The following PCDHA4 variants were observed in gnomAD, a reference collection of about 807,000 sequenced individuals.
The protein encoded by PCDHA4 is protocadherin alpha-4.
In PCDHA4, 49 loss-of-function variants were observed where a neutral mutation model predicts 61.4. The observed-to-expected ratio is 0.80, with a 90% CI of 0.63 to 1.01. The LOEUF is 1.01. PCDHA4 is among the 50% of genes least tolerant of loss of function. The probability of loss-of-function intolerance (pLI) is 0.00; values close to 1 mark genes in which losing one functional copy is unlikely to be tolerated. For missense variants in PCDHA4, 1,254 were observed against 1,235.8 expected (o/e 1.01, Z -0.22); for synonymous variants, 590 against 550.3 (o/e 1.07, Z -1.01).
rs2126645521 is a variant in PCDHA4, at chr5:140,813,313, C to T, written c.2385+3741C>T. ...TTCTGAGATTTCATCACTGTGCAAA[C>T]ATGAGAGTGTACTTACATATTTACA... On this transcript the variant is annotated intron_variant, in intron 1 of 3. Coordinates refer to ENST00000530339, the MANE Select transcript of PCDHA4 (RefSeq NM_018907.4). The T allele has an allele frequency of 1.1e-4, 17 of 152,282 alleles. 1 individual carries two copies. The South Asian group carries it at 3.5e-3, about 32-fold the overall frequency. The allele number at this position is 152,282 out of a possible 1,614,324, so 9.4% of individuals were successfully genotyped here.
chr5:140,966,514 A>G (rs2096013065), intron 1 of PCDHA4: 1 of 434,820 alleles, frequency 2.3e-6, no homozygotes, highest in Non-Finnish European at 4.0e-6. Flanking sequence ...CAGCAGCAGC[A>G]GGAAGCCGAG....
intron 3 of PCDHA4, among the ~76,000 whole-genome samples, chr5:140,997,279 A>G (rs1386656925): frequency 6.6e-6 from 1 of 152,166 alleles, no homozygotes; most frequent in Non-Finnish European, 1.5e-5. Flanking sequence ...TTCTTGCATC[A>G]CTTAACAATG....
intron 1 of PCDHA4, among the ~76,000 whole-genome samples, chr5:140,954,127 T>A (rs530320994): frequency 2.6e-5 from 4 of 152,372 alleles, no homozygotes; most frequent in Non-Finnish European, 5.9e-5. Context: ...TTCCTTTTTA[T>A]GGATGCATAG....
intron 1 of PCDHA4, chr5:140,835,513 G>C: frequency 3.1e-6 from 5 of 1,613,936 alleles, no homozygotes; most frequent in Non-Finnish European, 4.2e-6. Context: ...GTGTTTGACC[G>C]AGATTTTGGA....
chr5:140,821,986 G>C (rs2150112633), intron 1 of PCDHA4: 11 of 1,614,150 alleles, frequency 6.8e-6, no homozygotes, highest in South Asian at 3.3e-5. Context: ...CAAGGGCCGC[G>C]GGGACCTTCT....
intron 1 of PCDHA4, among the ~76,000 whole-genome samples, chr5:140,916,135 T>TG (rs1178819787): frequency 6.6e-6 from 1 of 152,126 alleles, no homozygotes; most frequent in Non-Finnish European, 1.5e-5. Flanking sequence ...GCTTAAGGGC[T>TG]GTTCAGTTGT....
rs782469778 is a variant in PCDHA4 at position 140,882,968 on chromosome 5, G to A, written c.2385+73396G>A. The A allele has an allele frequency of 3.7e-6, 6 of 1,614,028 alleles. No homozygotes were observed. The African/African-American group carries it at 8.0e-5, about 22-fold the overall frequency. ...AGTTCAGCTGCTCATCACGATTCTGGACGTGAATGACAACGCCCCGGAATT... is the reference window on the plus strand; with the variant it reads ...AGTTCAGCTGCTCATCACGATTCTGAACGTGAATGACAACGCCCCGGAATT... On this transcript the variant is annotated intron_variant, in intron 1 of 3. Transcript: ENST00000530339.
chr5:140,985,977 G>A (rs1341198195), intron 3 of PCDHA4, among the ~76,000 whole-genome samples: 3 of 151,932 alleles, frequency 2.0e-5, no homozygotes, highest in African/African-American at 7.3e-5. Flanking sequence ...CTGACCTCGT[G>A]ATCCGCCCAC....
chr5:140,853,383 A>G lies in PCDHA4; in HGVS notation c.2385+43811A>G, dbSNP rs896759512. ...GGATCCAGAGATGGTAAAATTCAAA[A>G]CAGCCTGTCAAGTTCAAAACAGAGA... On this transcript the variant is annotated intron_variant, in intron 1 of 3. Transcript: ENST00000530339. The G allele has an allele frequency of 5.1e-6, 5 of 985,712 alleles. No individual in the cohort carries two copies. In the South Asian group the frequency reaches 2.4e-4, roughly 47 times the overall value. The allele number at this position is 985,712 out of a possible 1,614,324, so 61.1% of individuals were successfully genotyped here. A position where few individuals can be genotyped will look rare whatever the true frequency, so the allele number is the denominator to read the frequency against.
rs1554129608 is a variant in PCDHA4, at chr5:140,823,796, C to G, written c.2385+14224C>G. ...GTGTCGCTGGTGGAAAGTGGCCAGG[C>G]GCCGAAGGCCTCATCGCGGGCGTCG... On this transcript the variant is annotated intron_variant, in intron 1 of 3. Transcript: ENST00000530339. 1.2e-6 allele frequency: 2 copies of G among 1,613,670 alleles called. No homozygotes were observed. The highest frequency in any genetic ancestry group is 2.2e-5 in the East Asian group (1 of 44,872).
intron 1 of PCDHA4, chr5:140,854,677 A>G (rs1450428296): frequency 6.7e-6 from 1 of 150,054 alleles, no homozygotes; most frequent in African/African-American, 2.4e-5. Context: ...CATAAGACCA[A>G]TATGTCTGTT....
chr5:140,991,879 G>A (rs1464021872), intron 3 of PCDHA4, among the ~76,000 whole-genome samples: 1 of 152,174 alleles, frequency 6.6e-6, no homozygotes, highest in Non-Finnish European at 1.5e-5. Flanking sequence ...TCCTAGGGCT[G>A]CCATAACAAA....
At chr5:140,823,972 C>A (rs140039635) in intron 1 of PCDHA4, 3 of 1,614,108 alleles carry the variant, frequency 1.9e-6, no homozygotes, top group Non-Finnish European at 2.5e-6. Flanking sequence ...CGTGTGCACA[C>A]GGGGCAAGCC....
chr5:140,834,687 T>C, intron 1 of PCDHA4: 2 of 1,614,150 alleles, frequency 1.2e-6, no homozygotes, highest in Non-Finnish European at 1.7e-6. Flanking sequence ...GAGCGCGGAG[T>C]GCAGCATCCA....
chr5:140,906,076 C>T (rs541119722), intron 1 of PCDHA4, among the ~76,000 whole-genome samples: 2 of 152,326 alleles, frequency 1.3e-5, no homozygotes, highest in African/African-American at 4.8e-5. Context: ...AGATCGCACC[C>T]ACCCAGACTG....
chr5:140,994,258 G>A (rs2097608740), intron 3 of PCDHA4, among the ~76,000 whole-genome samples: 1 of 152,122 alleles, frequency 6.6e-6, no homozygotes, highest in Admixed American at 6.5e-5. Flanking sequence ...GGTAAATAAG[G>A]TAAGCTAGGC....
chr5:140,893,862 C>T (rs1376548113), intron 1 of PCDHA4, among the ~76,000 whole-genome samples: 1 of 152,158 alleles, frequency 6.6e-6, no homozygotes, highest in East Asian at 1.9e-4. Flanking sequence ...TGTATAGAAA[C>T]AACCCAGATC....
chr5:140,836,612 C>T (rs2150265551), intron 1 of PCDHA4: 9 of 1,613,516 alleles, frequency 5.6e-6, no homozygotes, highest in East Asian at 2.2e-5. Flanking sequence ...TGTGCTCCAG[C>T]GCGGTGGGGA....
chr5:140,883,282 G>A (rs781911340), intron 1 of PCDHA4: 6 of 1,613,900 alleles, frequency 3.7e-6, no homozygotes, highest in Non-Finnish European at 5.1e-6. Context: ...CCCTTTTGGT[G>A]GAAGTACTAG....
Sources: gnomAD v4.1 joint callset for allele counts (sites outside exome capture counted in the v4.1 genomes callset) on GRCh38, gnomAD v4.1.1 for gene constraint, MANE v1.5 for transcripts, NCBI Gene and HGNC (gene_info 2026-07-23, HGNC 2026-07-21) for gene names.